EIF2AK3: variants seen among roughly 807,000 people sequenced by gnomAD.
EIF2AK3 encodes the protein eukaryotic translation initiation factor 2-alpha kinase 3.
A neutral mutation model predicts 113.5 loss-of-function variants in EIF2AK3; 50 were observed. That is an observed-to-expected ratio of 0.44 (90% CI 0.35 to 0.56). The LOEUF is 0.56. Ranked by LOEUF, EIF2AK3 falls within the 20% of genes least tolerant of loss-of-function variation. The pLI is 0.00. For synonymous variants in EIF2AK3, 448 were observed against 495.4 expected (o/e 0.90, Z 1.27); for missense variants, 1,185 against 1,378.0 (o/e 0.86, Z 2.22).
At chr2:88,578,765 A>G (rs1244500087) in intron 11 of EIF2AK3, among the ~76,000 whole-genome samples, 1 of 152,198 alleles carries the variant, frequency 6.6e-6, no homozygotes, top group East Asian at 1.9e-4. Flanking sequence ...TAAGCATCAC[A>G]CTGTTCTGAG....
chr2:88,604,483 T>C (rs902028417), intron 2 of EIF2AK3, among the ~76,000 whole-genome samples: 5 of 152,236 alleles, frequency 3.3e-5, no homozygotes, highest in Admixed American at 1.3e-4. Flanking sequence ...TAAGCACTTA[T>C]GCTTGTTAGA....
intron 1 of EIF2AK3, among the ~76,000 whole-genome samples, chr2:88,620,318 A>T (rs993940395): frequency 6.6e-6 from 1 of 152,112 alleles, no homozygotes; most frequent in African/African-American, 2.4e-5. Flanking sequence ...TGAACTTTTC[A>T]AAAGTTCTCT....
intron 9 of EIF2AK3, among the ~76,000 whole-genome samples, chr2:88,584,904 T>A (rs1674681815): frequency 6.6e-6 from 1 of 151,908 alleles, no homozygotes; most frequent in Non-Finnish European, 1.5e-5. Flanking sequence ...AGGGTACCAG[T>A]GAAGGATGGG....
intron 13 of EIF2AK3, 149 bp from the exon 14 acceptor site, chr2:88,571,190 G>A (rs1674299294): frequency 1.0e-6 from 1 of 1,001,364 alleles, no homozygotes; most frequent in Non-Finnish European, 1.5e-6. Context: ...CAGGAAAATA[G>A]TGACAATTTT....
intron 14 of EIF2AK3, among the ~76,000 whole-genome samples, chr2:88,566,613 C>T (rs1050174251): frequency 1.4e-4 from 21 of 151,992 alleles, no homozygotes; most frequent in African/African-American, 5.1e-4. Context: ...CACTTATCAA[C>T]CCATCATCTA....
intron 15 of EIF2AK3, among the ~76,000 whole-genome samples, chr2:88,559,603 GGA>G (rs147739928): frequency 5.3e-5 from 8 of 149,890 alleles, no homozygotes; most frequent in East Asian, 1.9e-4. Flanking sequence ...AAGAGAAAGG[GGA>G]GAGAGAGAGA....
At chr2:88,566,518 CTCTT>C (rs1035082851) in intron 14 of EIF2AK3, among the ~76,000 whole-genome samples, 40 of 152,028 alleles carry the variant, frequency 2.6e-4, no homozygotes, top group African/African-American at 9.6e-4. Context: ...TTTTTAAAAA[CTCTT>C]TTTTTTTTTA....
In EIF2AK3 at chr2:88,575,291, G is replaced by T. The variant is rs752958536; in HGVS notation, c.2192C>A (p.Thr731Lys). ...TGAGAACTGGCTCTCAGATGAACTTGTCTGGTCACAGGAAATCCCTACTGA... is the reference window on the plus strand; with the variant it reads ...TGAGAACTGGCTCTCAGATGAACTTTTCTGGTCACAGGAAATCCCTACTGA... ...SFSVGISCDQ[T>K]SSSESQFSPL... Residue 731 changes from threonine (T) to lysine (K), a missense_variant, in exon 13 of 17, where the codon ACA (threonine) becomes AAA (lysine). Thr to Lys is a moderately conservative substitution (Grantham distance 78). Around this residue, in one of 3 missense-constraint regions of EIF2AK3, gnomAD observed 877 missense variants for 1,024.2 expected, o/e 0.86. Transcript: ENST00000303236. 6.2e-7 allele frequency: 1 copy of T among 1,614,166 alleles called. No homozygotes were observed. The highest frequency in any genetic ancestry group is 1.1e-5 in the South Asian group (1 of 91,080).
At chr2:88,562,703 C>G (rs781104076) in intron 14 of EIF2AK3, among the ~76,000 whole-genome samples, 1 of 152,122 alleles carries the variant, frequency 6.6e-6, no homozygotes, top group African/African-American at 2.4e-5. Context: ...AAAATCTGCT[C>G]GACTACCCCT....
At chr2:88,571,537 G>A (rs1407076136) in intron 13 of EIF2AK3, among the ~76,000 whole-genome samples, 1 of 152,170 alleles carries the variant, frequency 6.6e-6, no homozygotes, top group African/African-American at 2.4e-5. Flanking sequence ...GTGAGGCCCA[G>A]AAGTTAAACA....
intron 14 of EIF2AK3, among the ~76,000 whole-genome samples, chr2:88,569,851 GCT>G (rs1461962569): frequency 2.0e-5 from 3 of 152,108 alleles, no homozygotes; most frequent in Admixed American, 6.6e-5. Context: ...ATGAAATATT[GCT>G]CTTTTTTCCA....
At chr2:88,570,770 A>C in intron 14 of EIF2AK3, 104 bp downstream of exon 14, 1 of 1,440,976 alleles carries the variant, frequency 6.9e-7, no homozygotes, top group Non-Finnish European at 9.8e-7. Flanking sequence ...TAATTTTCAG[A>C]CTTACTGGGT....
intron 6 of EIF2AK3, among the ~76,000 whole-genome samples, chr2:88,589,963 C>T (rs184836206): frequency 8.2e-4 from 125 of 152,194 alleles, no homozygotes; most frequent in African/African-American, 2.8e-3. Context: ...TTGGGCTGGG[C>T]GTGGTGGCTC....
intron 13 of EIF2AK3, 100 bp from the exon 14 acceptor site, chr2:88,571,141 T>A: frequency 1.5e-6 from 2 of 1,357,266 alleles, no homozygotes; most frequent in Non-Finnish European, 2.1e-6. Context: ...TACAACAAAC[T>A]AGATATTTTC....
At chr2:88,580,746 A>G (rs1009114397) in intron 10 of EIF2AK3, among the ~76,000 whole-genome samples, 1 of 152,344 alleles carries the variant, frequency 6.6e-6, no homozygotes, top group East Asian at 1.9e-4. Context: ...GACTTACATT[A>G]TGACTTACAT....
At chr2:88,597,446 C>A (rs1023285388) in intron 2 of EIF2AK3, among the ~76,000 whole-genome samples, 12 of 152,050 alleles carry the variant, frequency 7.9e-5, no homozygotes, top group Admixed American at 1.3e-4. Flanking sequence ...TACTAAAGAC[C>A]CCAAATCCTA....
rs1387791586 is a variant in EIF2AK3 at position 88,557,805 on chromosome 2, G to A, written c.3282C>T (p.Ser1094=). 3 of 1,614,040 alleles carry A rather than the reference G, an allele frequency of 1.9e-6. No homozygotes were observed. In the African/African-American group the frequency reaches 4.0e-5, roughly 22 times the overall value. The change falls in exon 17 of 17, where the codon TCC becomes TCT. Residue 1094 remains serine, a synonymous_variant. Transcript: ENST00000303236. ...AATGTTTTGTTCCCGATGAACTCAA[G>A]GAGCGAGACCTCTGTCTGAGCACTG... ...GKTVLRQRSR[S]LSSSGTKHSR...
intron 6 of EIF2AK3, among the ~76,000 whole-genome samples, chr2:88,589,934 G>A (rs1674839278): frequency 6.6e-6 from 1 of 152,078 alleles, no homozygotes; most frequent in Non-Finnish European, 1.5e-5. Flanking sequence ...ATATGCGACA[G>A]TAATTAAAAA....
intron 1 of EIF2AK3, among the ~76,000 whole-genome samples, chr2:88,616,350 T>G (rs959215556): frequency 1.3e-5 from 2 of 152,202 alleles, no homozygotes; most frequent in Admixed American, 1.3e-4. Context: ...TTAGGGCCTT[T>G]GCATCTACCG....
Sources: allele counts gnomAD v4.1 joint callset (sites outside exome capture counted in the v4.1 genomes callset), GRCh38; gene constraint gnomAD v4.1.1; regional missense constraint gnomAD v4.1.1; transcripts MANE v1.5; gene names NCBI Gene and HGNC (gene_info 2026-07-23, HGNC 2026-07-21).